The following RTN3 variants were observed in gnomAD, a reference collection of about 807,000 sequenced individuals.
The protein encoded by RTN3 is reticulon 3.
A neutral mutation model predicts 77.8 loss-of-function variants in RTN3; 49 were observed. The ratio of observed to expected loss-of-function variants is 0.63; its 90% CI spans 0.50 to 0.80. The LOEUF is 0.80. Ranked by LOEUF, RTN3 falls within the 30% of genes least tolerant of loss-of-function variation. RTN3 has a pLI of 0.00. For synonymous variants in RTN3, 464 were observed against 446.9 expected (o/e 1.04, Z -0.48); for missense variants, 1,236 against 1,211.9 (o/e 1.02, Z -0.29).
intron 3 of RTN3, among the ~76,000 whole-genome samples, chr11:63,735,550 T>TTCTCTCTCTCTCTCTCTCTCTCTCTCTC (rs71468640): frequency 4.7e-5 from 2 of 42,734 alleles, no homozygotes; most frequent in Non-Finnish European, 8.4e-5. Context: ...ATTCTAACAT[T>TTCTCTCTCTCTCTCTCTCTCTCTCTCTC]TCTCTCTCTC....
intron 5 of RTN3, 129 bp downstream of exon 5, chr11:63,752,774 A>G: frequency 1.0e-6 from 1 of 980,106 alleles, no homozygotes; most frequent in South Asian, 1.5e-5. Flanking sequence ...GTCATTCTAT[A>G]ATGGGATAGG....
chr11:63,738,883 A>G (rs1442068367), intron 3 of RTN3, among the ~76,000 whole-genome samples: 1 of 152,172 alleles, frequency 6.6e-6, no homozygotes, highest in Non-Finnish European at 1.5e-5. Flanking sequence ...CCTCCTGGAA[A>G]TGGCACAAGA....
intron 3 of RTN3, among the ~76,000 whole-genome samples, chr11:63,742,965 C>T (rs1286108063): frequency 2.6e-5 from 4 of 152,206 alleles, no homozygotes; most frequent in Non-Finnish European, 4.4e-5. Context: ...GCTGCAACCT[C>T]CAACTCCTGG....
intron 2 of RTN3, chr11:63,714,474 A>G (rs2011281191): frequency 1.3e-5 from 2 of 149,254 alleles, no homozygotes; most frequent in African/African-American, 5.0e-5. Context: ...TGTCATATTA[A>G]TCTTTTTTCT....
intron 3 of RTN3, among the ~76,000 whole-genome samples, chr11:63,731,937 C>T (rs576278358): frequency 6.6e-6 from 1 of 152,276 alleles, no homozygotes; most frequent in African/African-American, 2.4e-5. Context: ...AGGCTTGAGC[C>T]ACTGCGCCCA....
At chr11:63,715,695 G>A (rs1045757895) in intron 2 of RTN3, among the ~76,000 whole-genome samples, 1 of 151,992 alleles carries the variant, frequency 6.6e-6, no homozygotes, top group African/African-American at 2.4e-5. Context: ...AAACATATAA[G>A]CTGAACCTCC....
intron 2 of RTN3, chr11:63,713,945 A>G (rs1296723569): frequency 3.9e-6 from 2 of 506,480 alleles, no homozygotes; most frequent in South Asian, 2.9e-5. Context: ...CTTCAGATTC[A>G]CTGGACTTTT....
intron 3 of RTN3, among the ~76,000 whole-genome samples, chr11:63,738,607 G>A (rs1279565198): frequency 1.3e-5 from 2 of 149,502 alleles, no homozygotes; most frequent in African/African-American, 4.9e-5. Flanking sequence ...ACACCAGCCT[G>A]GGTGACAGAG....
rs1257627289 is a variant in RTN3 at position 63,718,978 on chromosome 11, C to G, written c.476C>G (p.Pro159Arg). 2.5e-6 allele frequency: 4 copies of G among 1,614,112 alleles called. No individual in the cohort carries two copies. The South Asian group carries it at 4.4e-5, about 18-fold the overall frequency. Residue 159 changes from proline (P) to arginine (R), a missense_variant, in exon 3 of 9, where the codon CCA (proline) becomes CGA (arginine). Transcript: ENST00000377819. ...GTTCATTGTGACCGTCCTTCTATTC[C>G]AGCCAGTTTCCCAGAGCATCCTGCT... Reference protein sequence around the residue: ...AGVHCDRPSIPASFPEHPAFL... With the variant: ...AGVHCDRPSIRASFPEHPAFL...
chr11:63,752,585 CA>C lies in RTN3; in HGVS notation c.2818del (p.Arg940GlyfsTer3). ...YMNAAMVHIN[R>X]ALKLIIRLFL... The stretch of plus-strand genomic sequence containing the variant: ...TGAATGCTGCCATGGTGCACATCAA[CA>C]GGGCCCTGAAACTCATTATTCGTCT... On this transcript the variant is annotated frameshift_variant, in exon 5 of 9. Coordinates refer to ENST00000377819, the MANE Select transcript of RTN3 (RefSeq NM_001265589.2). LOFTEE classifies it high-confidence loss of function. 6.2e-7 allele frequency: 1 copy of C among 1,613,864 alleles called. No individual in the cohort carries two copies. Among genetic ancestry groups the C allele is most frequent in the Non-Finnish European group, 8.5e-7 (1 of 1,179,786 alleles).
In RTN3 at chr11:63,719,242, C is replaced by A. The variant is rs764065376; in HGVS notation, c.740C>A (p.Pro247Gln). ...ATTGAAAAGGATTCCCCTGAATCACCATTTGAAGTAATTATTGACAAAGCA... is the reference window on the plus strand; with the variant it reads ...ATTGAAAAGGATTCCCCTGAATCACAATTTGAAGTAATTATTGACAAAGCA... ...DVIEKDSPES[P>Q]FEVIIDKAAF... Residue 247 changes from proline (P) to glutamine (Q), a missense_variant, in exon 3 of 9, where the codon CCA becomes CAA. Transcript: ENST00000377819. The A allele has an allele frequency of 6.2e-7, 1 of 1,614,070 alleles. No individual in the cohort carries two copies. The highest frequency in any genetic ancestry group is 8.5e-7 in the Non-Finnish European group (1 of 1,179,976).
At chr11:63,690,183 C>T (rs577434276) in intron 1 of RTN3, among the ~76,000 whole-genome samples, 1 of 152,266 alleles carries the variant, frequency 6.6e-6, no homozygotes, top group Non-Finnish European at 1.5e-5. Context: ...GGTAGCTCGC[C>T]CTTCAAGATA....
chr11:63,733,487 T>TA (rs1427303563), intron 3 of RTN3, among the ~76,000 whole-genome samples: 4,669 of 138,580 alleles, frequency 0.034, 94 homozygotes, highest in Middle Eastern at 0.082. Flanking sequence ...TGTCTCAGAA[T>TA]AAAAAAAAAA....
intron 1 of RTN3, among the ~76,000 whole-genome samples, chr11:63,684,653 G>A (rs1299951241): frequency 6.6e-6 from 1 of 152,142 alleles, no homozygotes; most frequent in Non-Finnish European, 1.5e-5. Flanking sequence ...ATGTGCTGTA[G>A]ACACGTATCA....
chr11:63,689,199 A>G (rs1433380207), intron 1 of RTN3, among the ~76,000 whole-genome samples: 2 of 152,186 alleles, frequency 1.3e-5, no homozygotes, highest in East Asian at 1.9e-4. Flanking sequence ...TAATTTTGGT[A>G]TATGTGCTGC....
chr11:63,703,225 G>T (rs569695319), intron 1 of RTN3, among the ~76,000 whole-genome samples: 1 of 152,316 alleles, frequency 6.6e-6, no homozygotes, highest in African/African-American at 2.4e-5. Context: ...GATGATGTGT[G>T]TAGGTTATAT....
chr11:63,745,922 T>C (rs1269206232), intron 3 of RTN3, among the ~76,000 whole-genome samples: 1 of 152,228 alleles, frequency 6.6e-6, no homozygotes, highest in East Asian at 1.9e-4. Context: ...GTGATTCTCC[T>C]GCCTCAACCT....
chr11:63,746,482 G>A (rs1265904958), intron 3 of RTN3, among the ~76,000 whole-genome samples: 3 of 151,806 alleles, frequency 2.0e-5, no homozygotes, highest in South Asian at 2.1e-4. Flanking sequence ...CGTAACCAAC[G>A]AAAGTTATTG....
chr11:63,758,520 A>G lies in RTN3; in HGVS notation c.*319A>G, dbSNP rs1357551059. The G allele has an allele frequency of 3.3e-6, 2 of 604,106 alleles. No homozygotes were observed. Among genetic ancestry groups the G allele is most frequent in the African/African-American group, 3.7e-5 (2 of 53,746 alleles). The allele number at this position is 604,106 out of a possible 1,614,324, so 37.4% of individuals were successfully genotyped here. On this transcript the variant is annotated 3_prime_UTR_variant, in exon 9 of 9. Coordinates refer to ENST00000377819, the MANE Select transcript of RTN3 (RefSeq NM_001265589.2). Reference sequence around the variant, plus strand: ...AGATTGGAGGTAAGAGAGAAAATGAAAGAACACCTCTGGGTCCTTCTGTCC... The same window carrying G: ...AGATTGGAGGTAAGAGAGAAAATGAGAGAACACCTCTGGGTCCTTCTGTCC...
Sources: allele counts gnomAD v4.1 joint callset (sites outside exome capture counted in the v4.1 genomes callset), GRCh38; gene constraint gnomAD v4.1.1; transcripts MANE v1.5; gene names NCBI Gene and HGNC (gene_info 2026-07-23, HGNC 2026-07-21).